Variants in ABCA13 observed in about 807,000 individuals in gnomAD.
ABCA13 encodes the protein ATP-binding cassette sub-family A member 13.
A neutral mutation model predicts 478.7 loss-of-function variants in ABCA13; 476 were observed. The ratio of observed to expected loss-of-function variants is 0.99; its 90% CI spans 0.92 to 1.07. The LOEUF is 1.07. Ranked by LOEUF, ABCA13 falls within the 50% of genes least tolerant of loss-of-function variation. The probability of loss-of-function intolerance (pLI) is 0.00; values close to 1 mark genes in which losing one functional copy is unlikely to be tolerated. For synonymous variants in ABCA13, 2,252 were observed against 2,158.9 expected (o/e 1.04, Z -1.20); for missense variants, 6,060 against 5,910.6 (o/e 1.03, Z -0.83).
chr7:48,246,610 T>A (rs1040403802), intron 13 of ABCA13, among the ~76,000 whole-genome samples: 1 of 149,674 alleles, frequency 6.7e-6, no homozygotes, highest in South Asian at 2.1e-4. Flanking sequence ...CTTTTTTTTT[T>A]ATATCCTTAT....
At chr7:48,443,252 A>G (rs1823865106) in intron 42 of ABCA13, among the ~76,000 whole-genome samples, 2 of 150,464 alleles carry the variant, frequency 1.3e-5, no homozygotes, top group Non-Finnish European at 3.0e-5. Context: ...GCCTGAGCTG[A>G]CTAATACAAC....
Position 48,314,330 on chromosome 7 carries a change from T to G in ABCA13, c.9780T>G (p.Ser3260=). 1 of 1,613,096 alleles carries G rather than the reference T, an allele frequency of 6.2e-7. No homozygotes were observed. Among genetic ancestry groups the G allele is most frequent in the Non-Finnish European group, 8.5e-7 (1 of 1,179,420 alleles). ...ACCAAGCATCATTCCTTAGCGATTC[T>G]AATATGTTTATTAATTTGCCCAGAG... ...CKDQASFLSD[S]NMFINLPRVK... Residue 3260 remains serine (S), a synonymous_variant, in exon 26 of 62, where the codon TCT becomes TCG. Coordinates refer to ENST00000435803, the MANE Select transcript of ABCA13 (RefSeq NM_152701.5).
chr7:48,517,703 C>T (rs1272825091), intron 52 of ABCA13, among the ~76,000 whole-genome samples: 1 of 152,196 alleles, frequency 6.6e-6, no homozygotes, highest in Non-Finnish European at 1.5e-5. Context: ...CTTTCCTCTG[C>T]ACCCTTATTG....
chr7:48,200,661 G>C (rs1479288402), intron 3 of ABCA13, among the ~76,000 whole-genome samples: 2 of 152,176 alleles, frequency 1.3e-5, no homozygotes, highest in Admixed American at 1.3e-4. Context: ...AAATTGTAAG[G>C]AGTAAGGAAA....
chr7:48,524,110 G>T (rs143553180), intron 53 of ABCA13, 138 bp from the exon 54 acceptor site: 4 of 669,102 alleles, frequency 6.0e-6, no homozygotes, highest in Middle Eastern at 7.1e-4. Flanking sequence ...GAACTGGGGT[G>T]CTCTGGACAA....
chr7:48,588,803 T>G (rs1372464594), intron 57 of ABCA13, among the ~76,000 whole-genome samples: 3 of 152,220 alleles, frequency 2.0e-5, no homozygotes, highest in Admixed American at 6.5e-5. Flanking sequence ...TAAAGAGATT[T>G]GTTGCCAGGC....
chr7:48,471,556 A>G lies in ABCA13; in HGVS notation c.12932A>G (p.Asp4311Gly). Residue 4311 changes from aspartate (D) to glycine (G), a missense_variant, in exon 45 of 62, where the codon GAT becomes GGT. Transcript: ENST00000435803. ...RQKNSSCWRT[D>G]PFSHPEFQDS... ...AAGAATTCTTCATGCTGGCGCACAG[A>G]TCCCTTTTCTCACCCAGAATTCCAG... is the stretch of plus-strand genomic sequence containing the variant. 6.4e-7 allele frequency: 1 copy of G among 1,563,562 alleles called. No homozygotes were observed. The highest frequency in any genetic ancestry group is 8.7e-7 in the Non-Finnish European group (1 of 1,151,938).
At chr7:48,594,658 T>A in intron 57 of ABCA13, 52 bp from the exon 58 acceptor site, 1 of 1,529,922 alleles carries the variant, frequency 6.5e-7, no homozygotes, top group Non-Finnish European at 9.1e-7. Flanking sequence ...ATTGTGTATA[T>A]TTCTATTTGT....
At chr7:48,257,131 T>C (rs955990269) in intron 15 of ABCA13, among the ~76,000 whole-genome samples, 2 of 152,024 alleles carry the variant, frequency 1.3e-5, no homozygotes, top group Non-Finnish European at 2.9e-5. Flanking sequence ...GTTTGTACAT[T>C]GATTTTCTAT....
intron 3 of ABCA13, among the ~76,000 whole-genome samples, chr7:48,212,497 A>G (rs1785814769): frequency 6.6e-6 from 1 of 152,220 alleles, no homozygotes; most frequent in Admixed American, 6.5e-5. Context: ...GTTTAGCTAT[A>G]TAGTGTATGT....
chr7:48,308,280 C>T (rs974424781), intron 23 of ABCA13, among the ~76,000 whole-genome samples: 19 of 152,152 alleles, frequency 1.2e-4, no homozygotes, highest in African/African-American at 4.6e-4. Context: ...GTAGAGCTGT[C>T]GTCTCCTGTG....
intron 8 of ABCA13, among the ~76,000 whole-genome samples, chr7:48,236,008 A>T (rs527552860): frequency 6.6e-5 from 10 of 152,328 alleles, no homozygotes; most frequent in Non-Finnish European, 1.5e-4. Context: ...GGTTGGGTGT[A>T]CTAAATGTAT....
chr7:48,531,934 T>C (rs1833265988), intron 55 of ABCA13, among the ~76,000 whole-genome samples: 1 of 152,068 alleles, frequency 6.6e-6, no homozygotes, highest in Non-Finnish European at 1.5e-5. Context: ...TACAATCATA[T>C]CATCAGCAAA....
chr7:48,392,036 G>T lies in ABCA13; in HGVS notation c.11770G>T (p.Asp3924Tyr). Reference sequence around the variant, plus strand: ...GGAGCTTGGTGTGTGTCCGCAGCAGGACATCCTGTTGGACAACCTCACCGT... The same window carrying T: ...GGAGCTTGGTGTGTGTCCGCAGCAGTACATCCTGTTGGACAACCTCACCGT... ...RMELGVCPQQ[D>Y]ILLDNLTVRE... Residue 3924 changes from aspartate (D) to tyrosine (Y), a missense_variant, in exon 38 of 62, where the codon GAC becomes TAC. Asp to Tyr is a radical substitution (Grantham distance 160). This residue lies in a region of ABCA13 where 1,627 missense variants were observed against 1,571.0 expected (regional missense o/e 1.04). Coordinates refer to ENST00000435803, the MANE Select transcript of ABCA13 (RefSeq NM_152701.5). The T allele has an allele frequency of 6.2e-7, 1 of 1,613,994 alleles. No homozygotes were observed. Among genetic ancestry groups the T allele is most frequent in the South Asian group, 1.1e-5 (1 of 91,080 alleles).
chr7:48,471,662 A>C (rs763570183), intron 45 of ABCA13, 63 bp downstream of exon 45: 20 of 1,403,898 alleles, frequency 1.4e-5, no homozygotes, highest in Non-Finnish European at 1.7e-5. Flanking sequence ...AAATGAGTTT[A>C]CCCTATCTAT....
At position 48,646,130 on chromosome 7, in the gene ABCA13, A is replaced by G. The variant is rs1795420874; in HGVS notation, c.*618A>G. On this transcript the variant is annotated 3_prime_UTR_variant, in exon 62 of 62. Coordinates refer to ENST00000435803, the MANE Select transcript of ABCA13 (RefSeq NM_152701.5). Reference sequence around the variant, plus strand: ...AATAGGTTTTAAGAGCTCTTTTAGTATACACTTTAGCAAAATTAATTAAAT... The same window carrying G: ...AATAGGTTTTAAGAGCTCTTTTAGTGTACACTTTAGCAAAATTAATTAAAT... 1 of 152,308 alleles carries G rather than the reference A, an allele frequency of 6.6e-6. No individual in the cohort carries two copies. Among genetic ancestry groups the G allele is most frequent in the South Asian group, 2.1e-4 (1 of 4,832 alleles). The allele number at this position is 152,308 out of a possible 1,614,324, so 9.4% of individuals were successfully genotyped here.
intron 48 of ABCA13, among the ~76,000 whole-genome samples, chr7:48,497,378 A>G (rs1217851433): frequency 6.6e-6 from 1 of 152,218 alleles, no homozygotes; most frequent in African/African-American, 2.4e-5. Context: ...TTTATGATAC[A>G]TATTGTCAGA....
intron 48 of ABCA13, among the ~76,000 whole-genome samples, chr7:48,499,379 T>A (rs1471324732): frequency 2.0e-5 from 3 of 152,238 alleles, no homozygotes; most frequent in Non-Finnish European, 4.4e-5. Context: ...GGTAGATGCT[T>A]ACAGACATCT....
intron 5 of ABCA13, among the ~76,000 whole-genome samples, chr7:48,222,850 T>C (rs1354626519): frequency 6.6e-6 from 1 of 152,052 alleles, no homozygotes; most frequent in South Asian, 2.1e-4. Context: ...AGTTATGTTT[T>C]TGGAGGATTT....
Sources: allele counts gnomAD v4.1 joint callset (sites outside exome capture counted in the v4.1 genomes callset), GRCh38; gene constraint gnomAD v4.1.1; regional missense constraint gnomAD v4.1.1; transcripts MANE v1.5; gene names NCBI Gene and HGNC (gene_info 2026-07-23, HGNC 2026-07-21).